The following THSD7A variants were observed in gnomAD, a reference collection of about 807,000 sequenced individuals.
THSD7A encodes the protein thrombospondin type-1 domain-containing protein 7A.
A neutral mutation model predicts 231.3 loss-of-function variants in THSD7A; 96 were observed. The observed-to-expected ratio is 0.41, with a 90% CI of 0.35 to 0.49. The LOEUF (loss-of-function observed/expected upper bound fraction) is 0.49. Among genes scored for constraint, THSD7A ranks in the 20% least tolerant of loss-of-function variants. The probability of loss-of-function intolerance (pLI) is 0.05; values close to 1 mark genes in which losing one functional copy is unlikely to be tolerated. For missense variants in THSD7A, 2,290 were observed against 2,070.2 expected (o/e 1.11, Z -2.06); for synonymous variants, 940 against 743.3 (o/e 1.26, Z -4.30).
chr7:11,782,497 A>G (rs1399939271), intron 1 of THSD7A, among the ~76,000 whole-genome samples: 1 of 152,200 alleles, frequency 6.6e-6, no homozygotes, highest in African/African-American at 2.4e-5. Flanking sequence ...CAAATTATTT[A>G]GGAAGGAAGA....
intron 23 of THSD7A, among the ~76,000 whole-genome samples, chr7:11,397,092 T>TA (rs1783216558): frequency 6.6e-6 from 1 of 152,118 alleles, no homozygotes; most frequent in South Asian, 2.1e-4. Flanking sequence ...CCCTTCATGC[T>TA]AAAAACTCTC....
chr7:11,682,377 C>T (rs759961481), intron 1 of THSD7A, among the ~76,000 whole-genome samples: 4 of 151,960 alleles, frequency 2.6e-5, no homozygotes, highest in Non-Finnish European at 5.9e-5. Context: ...TGTAATGATG[C>T]CCATAGGCTC....
rs556484983 is a variant in THSD7A, at chr7:11,415,071, C to A, written c.3538-2271G>T. On this transcript the variant is annotated intron_variant, in intron 17 of 27. Transcript: ENST00000423059. The stretch of plus-strand genomic sequence containing the variant: ...GTTTCTTCACACACAGTGAACTATA[C>A]CCTCTTTGGATGTGTAAAAAGACTG... Among the ~76,000 whole-genome samples, 22 of 152,302 alleles carry A rather than the reference C, an allele frequency of 1.4e-4. No homozygotes were observed. In the South Asian group the frequency reaches 3.9e-3, roughly 27 times the overall value.
chr7:11,541,752 G>A, intron 5 of THSD7A, 121 bp from the exon 6 acceptor site: 1 of 896,296 alleles, frequency 1.1e-6, no homozygotes, highest in Non-Finnish European at 1.7e-6. Context: ...TTTCTGTTTT[G>A]AGTCACTGGT....
intron 1 of THSD7A, among the ~76,000 whole-genome samples, chr7:11,756,535 T>C (rs1172535275): frequency 6.6e-6 from 1 of 151,890 alleles, no homozygotes; most frequent in Admixed American, 6.6e-5. Flanking sequence ...AGGTCCTCAG[T>C]GACCTGAACA....
chr7:11,637,182 A>G lies in THSD7A; in HGVS notation c.191-221T>C, dbSNP rs1781898871. Among the ~76,000 whole-genome samples the G allele has an allele frequency of 6.6e-6, 1 of 152,132 alleles. No homozygotes were observed. Among genetic ancestry groups the G allele is most frequent in the South Asian group, 2.1e-4 (1 of 4,826 alleles). On this transcript the variant is annotated intron_variant, in intron 1 of 27. Transcript: ENST00000423059. The surrounding 1 kb of genome is among the most constrained non-coding windows in gnomAD (Gnocchi z 4.2). ...TCTATATAAGGTAACTTCTGGGACA[A>G]TTTCACTTTGGGTCCTTTAGGGATT...
chr7:11,818,161 C>A (rs934134759), intron 1 of THSD7A, among the ~76,000 whole-genome samples: 1 of 152,188 alleles, frequency 6.6e-6, no homozygotes, highest in Admixed American at 6.5e-5. Flanking sequence ...CATCCATCTA[C>A]AATACTCAGA....
chr7:11,597,846 G>A (rs981696902), intron 2 of THSD7A, among the ~76,000 whole-genome samples: 99 of 152,188 alleles, frequency 6.5e-4, no homozygotes, highest in African/African-American at 2.3e-3. Context: ...GCACAAGTAA[G>A]CTACATGAGG....
chr7:11,537,664 C>A (rs779390349), intron 6 of THSD7A, among the ~76,000 whole-genome samples: 5 of 152,072 alleles, frequency 3.3e-5, no homozygotes, highest in Non-Finnish European at 7.4e-5. Flanking sequence ...TGCAGGACTG[C>A]GAGCCAATTA....
chr7:11,475,668 A>AT, intron 7 of THSD7A, among the ~76,000 whole-genome samples: 1 of 149,428 alleles, frequency 6.7e-6, no homozygotes, highest in South Asian at 2.1e-4. Context: ...CATTCTTCAA[A>AT]TTTTTCTAGG....
chr7:11,629,516 T>G (rs2128357084), intron 2 of THSD7A, among the ~76,000 whole-genome samples: 1 of 152,338 alleles, frequency 6.6e-6, no homozygotes, highest in South Asian at 2.1e-4. Context: ...AAATGGATTC[T>G]GAACAACCTA....
At position 11,406,503 on chromosome 7, in the gene THSD7A, G is replaced by A; in HGVS notation, c.4063-29C>T. ...GAATGGAGGAAGAAATAACTAATTA[G>A]AAAAAGAGAAATACTTCATTAGAGA... On this transcript the variant is annotated intron_variant, in intron 21 of 27. Coordinates refer to ENST00000423059, the MANE Select transcript of THSD7A (RefSeq NM_015204.3). The surrounding 1 kb of genome is among the most constrained non-coding windows in gnomAD (Gnocchi z 4.7). 6.4e-7 allele frequency: 1 copy of A among 1,570,602 alleles called. No individual in the cohort carries two copies. Among genetic ancestry groups the A allele is most frequent in the Non-Finnish European group, 8.6e-7 (1 of 1,159,514 alleles).
At chr7:11,441,451 AATGAT>A (rs1279337531) in intron 13 of THSD7A, among the ~76,000 whole-genome samples, 1 of 151,986 alleles carries the variant, frequency 6.6e-6, no homozygotes, top group Non-Finnish European at 1.5e-5. Context: ...ATGAAGATTA[AATGAT>A]ATAATAAAAA....
chr7:11,454,986 T>A (rs1021862206), intron 11 of THSD7A, among the ~76,000 whole-genome samples: 2 of 152,032 alleles, frequency 1.3e-5, no homozygotes, highest in African/African-American at 4.8e-5. Context: ...ATCCACATGT[T>A]GAAATCACCA....
chr7:11,520,086 C>T (rs910632210), intron 6 of THSD7A: 2 of 152,152 alleles, frequency 1.3e-5, no homozygotes, highest in African/African-American at 4.8e-5. Flanking sequence ...AATTAATCTG[C>T]ACCCTCTCTG....
intron 4 of THSD7A, among the ~76,000 whole-genome samples, chr7:11,565,977 G>T (rs1158231937): frequency 6.6e-6 from 1 of 152,074 alleles, no homozygotes; most frequent in Non-Finnish European, 1.5e-5. Context: ...CTTTTATTAG[G>T]CTAAGCATGA....
At chr7:11,654,997 C>A (rs142522489) in intron 1 of THSD7A, among the ~76,000 whole-genome samples, 1 of 151,706 alleles carries the variant, frequency 6.6e-6, no homozygotes. Context: ...AATAGTGCAA[C>A]GTTTTATAGC....
At chr7:11,427,946 C>G (rs533946990) in intron 14 of THSD7A, among the ~76,000 whole-genome samples, 3 of 152,182 alleles carry the variant, frequency 2.0e-5, no homozygotes, top group African/African-American at 7.2e-5. Flanking sequence ...AATCAAGACT[C>G]TTTAGAGTAC....
chr7:11,567,878 T>TTTAC (rs769053298), intron 4 of THSD7A, among the ~76,000 whole-genome samples: 2 of 152,186 alleles, frequency 1.3e-5, no homozygotes, highest in Non-Finnish European at 2.9e-5. Context: ...AAGCTCTTCC[T>TTTAC]TTACTTAAAA....
Sources: gnomAD v4.1 joint callset for allele counts (sites outside exome capture counted in the v4.1 genomes callset) on GRCh38, gnomAD v4.1.1 for gene constraint, Gnocchi (gnomAD v3.1) non-coding constraint, MANE v1.5 for transcripts, NCBI Gene and HGNC (gene_info 2026-07-23, HGNC 2026-07-21) for gene names.